Variants in EFL1 observed in about 807,000 individuals in gnomAD.
EFL1 encodes elongation factor-like GTPase 1.
A neutral mutation model predicts 126.7 loss-of-function variants in EFL1; 76 were observed. The observed-to-expected ratio is 0.60, with a 90% CI of 0.50 to 0.73. EFL1 has a LOEUF of 0.73. Ranked by LOEUF, EFL1 falls within the 30% of genes least tolerant of loss-of-function variation. The probability of loss-of-function intolerance (pLI) is 0.00; values close to 1 mark genes in which losing one functional copy is unlikely to be tolerated. For synonymous variants in EFL1, 410 were observed against 448.4 expected, an observed-to-expected ratio of 0.91 and a Z score of 1.08; for missense variants, 1,128 against 1,343.2, an observed-to-expected ratio of 0.84 and a Z score of 2.50.
chr15:82,173,933 TAATCC>T (rs2074163566), intron 15 of EFL1, among the ~76,000 whole-genome samples: 1 of 152,144 alleles, frequency 6.6e-6, no homozygotes, highest in Non-Finnish European at 1.5e-5. Flanking sequence ...CTCACACCTG[TAATCC>T]CAGCACTTTG....
intron 16 of EFL1, among the ~76,000 whole-genome samples, chr15:82,161,512 T>C (rs2074023909): frequency 6.6e-6 from 1 of 152,072 alleles, no homozygotes; most frequent in South Asian, 2.1e-4. Flanking sequence ...GAGTACAAAA[T>C]TCAGACACTG....
intron 19 of EFL1, among the ~76,000 whole-genome samples, chr15:82,133,381 T>G (rs766566641): frequency 2.0e-5 from 3 of 152,236 alleles, no homozygotes; most frequent in Non-Finnish European, 4.4e-5. Flanking sequence ...GTAAAGCACC[T>G]GGCATATCCT....
At chr15:82,167,951 A>G (rs1276628975) in intron 15 of EFL1, among the ~76,000 whole-genome samples, 3 of 152,216 alleles carry the variant, frequency 2.0e-5, no homozygotes, top group African/African-American at 7.2e-5. Context: ...GAATTAATGG[A>G]TCTCTTTACA....
intron 15 of EFL1, among the ~76,000 whole-genome samples, chr15:82,185,646 ACAGC>A (rs1454651879): frequency 6.6e-6 from 1 of 152,132 alleles, no homozygotes; most frequent in Non-Finnish European, 1.5e-5. Context: ...ATTTAAAAAC[ACAGC>A]CAAAGAATAC....
Position 82,227,565 on chromosome 15 carries a change from C to A in EFL1, c.1077G>T (p.Val359=). Residue 359 remains valine, a synonymous_variant, in exon 11 of 20, where the codon GTG becomes GTT. Transcript: ENST00000268206. ...CAAGGGGACTAGGAAGTTTCTGACA[C>A]ACCATAGCTGAAGTCTATTGTTAAG... is the stretch of plus-strand genomic sequence containing the variant. ...LPISHAVLAM[V]CQKLPSPLDI... is the part of the protein sequence containing the mutation. 6.2e-7 allele frequency: 1 copy of A among 1,614,176 alleles called. No homozygotes were observed. Among genetic ancestry groups the A allele is most frequent in the Non-Finnish European group, 8.5e-7 (1 of 1,179,998 alleles).
In EFL1 at chr15:82,252,702, T is replaced by C. The variant is rs1165923888; in HGVS notation, c.233A>G (p.His78Arg). The change falls in exon 4 of 20, where the codon CAT becomes CGT. Residue 78 changes from histidine (H) to arginine (R), a missense_variant. Coordinates refer to ENST00000268206, the MANE Select transcript of EFL1 (RefSeq NM_024580.6). ...ITMKSSAISL[H>R]YATGNEEYLI... ...ACAGACTGATTTACCTGTTGCATAA[T>C]GTAGGGAAATGGCACTGGATTTCAT... 3 of 1,612,370 alleles carry C rather than the reference T, an allele frequency of 1.9e-6. No individual in the cohort carries two copies. The highest frequency in any genetic ancestry group is 2.5e-6 in the Non-Finnish European group (3 of 1,178,408).
At chr15:82,224,521 A>G (rs2074742081) in intron 12 of EFL1, among the ~76,000 whole-genome samples, 2 of 152,220 alleles carry the variant, frequency 1.3e-5, no homozygotes, top group African/African-American at 2.4e-5. Context: ...TTCATAGCTG[A>G]GTCTTATAAA....
intron 15 of EFL1, among the ~76,000 whole-genome samples, chr15:82,209,564 C>T (rs1282053489): frequency 3.9e-5 from 6 of 152,126 alleles, no homozygotes; most frequent in Non-Finnish European, 8.8e-5. Flanking sequence ...ATTTGGAATC[C>T]TAATTCAATT....
intron 4 of EFL1, 45 bp downstream of exon 4, chr15:82,252,646 T>C (rs1474298979): frequency 4.9e-6 from 7 of 1,441,640 alleles, no homozygotes; most frequent in South Asian, 2.3e-5. Context: ...GAAGAGGACA[T>C]GAAAGATGCA....
intron 4 of EFL1, among the ~76,000 whole-genome samples, chr15:82,246,611 A>T (rs1050374589): frequency 6.6e-6 from 1 of 152,116 alleles, no homozygotes; most frequent in Non-Finnish European, 1.5e-5. Context: ...CATGCTTAAA[A>T]GCTGATGGAT....
intron 15 of EFL1, among the ~76,000 whole-genome samples, chr15:82,194,307 T>C (rs1226675209): frequency 6.6e-6 from 1 of 152,210 alleles, no homozygotes; most frequent in Non-Finnish European, 1.5e-5. Flanking sequence ...TTCTTGAGTA[T>C]TTTGTGCAAA....
rs2074695021 is a variant in EFL1 at position 82,220,122 on chromosome 15, T to C, written c.1400A>G (p.Asp467Gly). The change falls in exon 13 of 20, where the codon GAT (aspartate) becomes GGT (glycine). Residue 467 changes from aspartate (D) to glycine (G), a missense_variant. By Grantham distance (94) the Asp-to-Gly change is moderately conservative. Coordinates refer to ENST00000268206, the MANE Select transcript of EFL1 (RefSeq NM_024580.6). Reference protein sequence around the residue: ...QGQAPLEPTQDGSAIETCPKG... With the variant: ...QGQAPLEPTQGGSAIETCPKG... ...TGGACATGTTTCAATGGCACTCCCATCTTGGGTGGGCTCCAAGGGTGCCTG... is the reference window on the plus strand; with the variant it reads ...TGGACATGTTTCAATGGCACTCCCACCTTGGGTGGGCTCCAAGGGTGCCTG... The C allele has an allele frequency of 6.2e-7, 1 of 1,613,498 alleles. No homozygotes were observed.
chr15:82,238,176 A>C (rs1167373230), intron 7 of EFL1, 131 bp downstream of exon 7: 1 of 980,664 alleles, frequency 1.0e-6, no homozygotes, highest in East Asian at 2.6e-5. Context: ...AAAGGGCACC[A>C]GAGAACTCTC....
At chr15:82,233,533 C>T (rs185712729) in intron 7 of EFL1, 3 of 151,496 alleles carry the variant, frequency 2.0e-5, no homozygotes, top group Admixed American at 2.0e-4. Flanking sequence ...AATTCTAATA[C>T]TCAGTTACAC....
chr15:82,195,334 T>G (rs2074397836), intron 15 of EFL1, among the ~76,000 whole-genome samples: 1 of 152,230 alleles, frequency 6.6e-6, no homozygotes, highest in African/African-American at 2.4e-5. Flanking sequence ...CCACAAACTC[T>G]TAGAGCTGTG....
intron 15 of EFL1, among the ~76,000 whole-genome samples, chr15:82,211,733 A>T (rs980211287): frequency 2.0e-5 from 3 of 152,068 alleles, no homozygotes; most frequent in African/African-American, 7.2e-5. Context: ...TACGCTACAC[A>T]TTTTTAATCA....
chr15:82,211,498 C>G (rs1472277677), intron 15 of EFL1, among the ~76,000 whole-genome samples: 4 of 147,684 alleles, frequency 2.7e-5, no homozygotes, highest in Non-Finnish European at 4.5e-5. Flanking sequence ...TGTACTCCAG[C>G]CAGGGTGACA....
At chr15:82,144,329 T>C (rs2073820369) in intron 18 of EFL1, among the ~76,000 whole-genome samples, 1 of 152,070 alleles carries the variant, frequency 6.6e-6, no homozygotes. Context: ...GAGTTTACTT[T>C]AGGCTTAATA....
chr15:82,202,678 T>TA (rs1472717333), intron 15 of EFL1, among the ~76,000 whole-genome samples: 1 of 152,174 alleles, frequency 6.6e-6, no homozygotes, highest in Non-Finnish European at 1.5e-5. Context: ...GCTTAAAAGT[T>TA]AGCTGAACTA....
Sources: gnomAD v4.1 joint callset for allele counts (sites outside exome capture counted in the v4.1 genomes callset) on GRCh38, gnomAD v4.1.1 for gene constraint, MANE v1.5 for transcripts, NCBI Gene and HGNC (gene_info 2026-07-23, HGNC 2026-07-21) for gene names.